The following ZNF787 variants were observed in gnomAD, a reference collection of about 807,000 sequenced individuals.
The protein encoded by ZNF787 is zinc finger protein 787, also known as TTF-I-interacting peptide 20.
A neutral mutation model predicts 16.9 loss-of-function variants in ZNF787; 7 were observed. The observed-to-expected ratio is 0.42, with a 90% confidence interval of 0.24 to 0.78. The LOEUF is 0.78. ZNF787 is among the 30% of genes least tolerant of loss of function. The pLI, the probability that ZNF787 is intolerant of heterozygous loss-of-function variation, is 0.30. For synonymous variants in ZNF787, 345 were observed against 270.9 expected, an observed-to-expected ratio of 1.27 and a Z score of -2.69; for missense variants, 551 against 589.3, an observed-to-expected ratio of 0.94 and a Z score of 0.67.
chr19:56,088,061 C>G lies in ZNF787; in HGVS notation c.1111G>C (p.Gly371Arg). ...EEDDDDEAAG[G>R]RCPECRGGEG... ...CCACCGCGGCACTCGGGGCACCGCC[C>G]GCCCGCGGCCTCGTCGTCGTCGTCC... The change falls in exon 3 of 3, where the codon GGG becomes CGG. Residue 371 changes from glycine (G) to arginine (R), a missense_variant. This residue lies in a region of ZNF787 where 392 missense variants were observed against 312.7 expected (regional missense o/e 1.25). Coordinates refer to ENST00000610935, the MANE Select transcript of ZNF787 (RefSeq NM_001002836.4). The surrounding 1 kb of genome is among the most constrained non-coding windows in gnomAD (Gnocchi z 8.6). 7.0e-7 allele frequency: 1 copy of G among 1,434,934 alleles called. No individual in the cohort carries two copies. Among genetic ancestry groups the G allele is most frequent in the Non-Finnish European group, 9.1e-7 (1 of 1,101,244 alleles). The allele number at this position is 1,434,934 out of a possible 1,614,324, so 88.9% of individuals were successfully genotyped here.
chr19:56,089,966 G>T (rs1414235264), intron 2 of ZNF787, among the ~76,000 whole-genome samples: 1 of 152,150 alleles, frequency 6.6e-6, no homozygotes, highest in African/African-American at 2.4e-5. Flanking sequence ...CTCCCTTGGG[G>T]CCTGGTCCAG....
chr19:56,117,695 C>T (rs539299504), intron 1 of ZNF787, among the ~76,000 whole-genome samples: 4 of 152,212 alleles, frequency 2.6e-5, no homozygotes, highest in African/African-American at 9.6e-5. Flanking sequence ...TGTCTTACTC[C>T]GTGTCTTATT....
chr19:56,110,102 C>G (rs1223862091), intron 1 of ZNF787, among the ~76,000 whole-genome samples: 1 of 152,208 alleles, frequency 6.6e-6, no homozygotes, highest in Non-Finnish European at 1.5e-5. Context: ...TGGCTCACGC[C>G]TGTAATCCCA....
chr19:56,116,766 G>A (rs941274593), intron 1 of ZNF787, among the ~76,000 whole-genome samples: 3 of 151,968 alleles, frequency 2.0e-5, no homozygotes, highest in Admixed American at 2.0e-4. Context: ...CACCTCACCT[G>A]CCCTCTCAGT....
At chr19:56,089,119 TGAGTCAAGA>T (rs1985473710) in intron 2 of ZNF787, 27 bp from the exon 3 acceptor site, 12 of 1,430,346 alleles carry the variant, frequency 8.4e-6, no homozygotes, top group Non-Finnish European at 1.1e-5. Flanking sequence ...TAGGGGGAGG[TGAGTCAAGA>T]GAGGCAAGGG....
At position 56,103,185 on chromosome 19, in the gene ZNF787, C is replaced by T. The variant is rs1986172142; in HGVS notation, c.33G>A (p.Gly11=). 3 of 1,576,488 alleles carry T rather than the reference C, an allele frequency of 1.9e-6. No individual in the cohort carries two copies. The highest frequency in any genetic ancestry group is 2.6e-6 in the Non-Finnish European group (3 of 1,160,662). The change falls in exon 2 of 3, where the codon GGG becomes GGA. Residue 11 remains glycine, a synonymous_variant. Coordinates refer to ENST00000610935, the MANE Select transcript of ZNF787 (RefSeq NM_001002836.4). MELREEAWSP[G]PLDSEDQQMA... ...TCTGCTGGTCCTCAGAATCCAGCGG[C>T]CCCGGAGACCAGGCTTCTTCCCGCA...
chr19:56,110,371 AAAAG>A lies in ZNF787; in HGVS notation c.-10-7148_-10-7145del, dbSNP rs545255086. 3.5e-3 allele frequency among the ~76,000 whole-genome samples: 536 copies of A among 151,544 alleles called. 2 individuals are homozygous for A. The highest frequency in any genetic ancestry group is 0.013 in the Admixed American group (191 of 15,210). Reference sequence around the variant, plus strand: ...AGCGAGACTCCGTCTCAAAAAAAAAAAAAGAAAGAAAAAGAAAAACGAAATGTTG... The same window carrying A: ...AGCGAGACTCCGTCTCAAAAAAAAAAAAAGAAAAAGAAAAACGAAATGTTG... On this transcript the variant is annotated intron_variant, in intron 1 of 2. Coordinates refer to ENST00000610935, the MANE Select transcript of ZNF787 (RefSeq NM_001002836.4).
chr19:56,114,286 C>A (rs930548344), intron 1 of ZNF787, among the ~76,000 whole-genome samples: 2 of 152,146 alleles, frequency 1.3e-5, no homozygotes, highest in African/African-American at 4.8e-5. Context: ...GGACCGGCCC[C>A]ACTCCTCCAC....
intron 1 of ZNF787, among the ~76,000 whole-genome samples, chr19:56,115,864 C>G (rs2030120960): frequency 6.6e-6 from 1 of 152,172 alleles, no homozygotes; most frequent in African/African-American, 2.4e-5. Context: ...ATCTTCAGAT[C>G]CTTATGCGAA....
Position 56,088,244 on chromosome 19 carries a change from C to G in ZNF787, c.928G>C (p.Ala310Pro). The part of the protein sequence containing the change: ...RAQHGDGLGA[A>P]GGEEPAHICV... ...ATGTGGGCCGGCTCCTCGCCCCCCGCCGCCCCGAGCCCGTCCCCGTGCTGG... is the reference window on the plus strand; with the variant it reads ...ATGTGGGCCGGCTCCTCGCCCCCCGGCGCCCCGAGCCCGTCCCCGTGCTGG... The change falls in exon 3 of 3, where the codon GCG (alanine) becomes CCG (proline). Residue 310 changes from alanine to proline, a missense_variant. Around this residue, in one of 4 missense-constraint regions of ZNF787, gnomAD observed 392 missense variants for 312.7 expected, o/e 1.25. Transcript: ENST00000610935. The surrounding 1 kb of genome is among the most constrained non-coding windows in gnomAD (Gnocchi z 8.6). 1 of 1,474,054 alleles carries G rather than the reference C, an allele frequency of 6.8e-7. No homozygotes were observed. Among genetic ancestry groups the G allele is most frequent in the Non-Finnish European group, 9.0e-7 (1 of 1,116,958 alleles). The allele number at this position is 1,474,054 out of a possible 1,614,324, so 91.3% of individuals were successfully genotyped here.
intron 2 of ZNF787, among the ~76,000 whole-genome samples, chr19:56,090,231 G>A (rs770949272): frequency 2.6e-5 from 4 of 152,104 alleles, no homozygotes; most frequent in Non-Finnish European, 5.9e-5. Context: ...GCCCCCCTGC[G>A]CTACACACTT....
intron 1 of ZNF787, among the ~76,000 whole-genome samples, chr19:56,112,305 C>T (rs1457978003): frequency 6.6e-6 from 1 of 152,164 alleles, no homozygotes; most frequent in East Asian, 1.9e-4. Context: ...GCCTCCCTTA[C>T]CAGCCTCCGT....
intron 2 of ZNF787, among the ~76,000 whole-genome samples, chr19:56,098,820 AT>A (rs1985978241): frequency 8.4e-6 from 1 of 119,558 alleles, no homozygotes; most frequent in Non-Finnish European, 1.9e-5. Context: ...TGCCCGGGTG[AT>A]TACGGCCGCA....
intron 2 of ZNF787, among the ~76,000 whole-genome samples, chr19:56,093,896 C>T (rs1985761109): frequency 6.6e-6 from 1 of 152,204 alleles, no homozygotes; most frequent in Non-Finnish European, 1.5e-5. Context: ...AGGGGTGTTC[C>T]TTGAATGAGT....
intron 1 of ZNF787, among the ~76,000 whole-genome samples, chr19:56,118,294 G>A (rs2030194891): frequency 6.6e-6 from 1 of 152,164 alleles, no homozygotes; most frequent in African/African-American, 2.4e-5. Flanking sequence ...CACTATGCTG[G>A]GGTTCCCCTG....
intron 2 of ZNF787, among the ~76,000 whole-genome samples, chr19:56,098,326 G>A (rs1036741087): frequency 6.6e-6 from 1 of 152,216 alleles, no homozygotes; most frequent in East Asian, 1.9e-4. Context: ...GCCCTGGCCA[G>A]TGAGGCCTGC....
chr19:56,107,324 C>A (rs917514151), intron 1 of ZNF787, among the ~76,000 whole-genome samples: 3 of 152,198 alleles, frequency 2.0e-5, no homozygotes, highest in African/African-American at 4.8e-5. Context: ...CCCACCACTA[C>A]GCTCGCCTCA....
rs1168354085 is a variant in ZNF787 at position 56,088,015 on chromosome 19, C to T, written c.*8G>A. On this transcript the variant is annotated 3_prime_UTR_variant, in exon 3 of 3. Coordinates refer to ENST00000610935, the MANE Select transcript of ZNF787 (RefSeq NM_001002836.4). This position sits in a 1 kb window ranked among gnomAD's most constrained non-coding sequence, Gnocchi z 8.6. ...GGCCCTGCCCGCCCCCCCCCCCGGG[C>T]CCCTCCCCTACCGGCCCTCCCCACC... The T allele has an allele frequency of 1.7e-6, 2 of 1,204,320 alleles. No individual in the cohort carries two copies. Among genetic ancestry groups the T allele is most frequent in the Non-Finnish European group, 2.1e-6 (2 of 968,720 alleles). The allele number at this position is 1,204,320 out of a possible 1,614,324, so 74.6% of individuals were successfully genotyped here.
chr19:56,107,887 T>C (rs1222642065), intron 1 of ZNF787, among the ~76,000 whole-genome samples: 1 of 138,878 alleles, frequency 7.2e-6, no homozygotes, highest in Non-Finnish European at 1.6e-5. Flanking sequence ...AGAGAGAGCT[T>C]GAAGGCCGGG....
Sources: gnomAD v4.1 joint callset for allele counts (sites outside exome capture counted in the v4.1 genomes callset) on GRCh38, gnomAD v4.1.1 for gene constraint, gnomAD v4.1.1 regional missense constraint, Gnocchi (gnomAD v3.1) non-coding constraint, MANE v1.5 for transcripts, NCBI Gene and HGNC (gene_info 2026-07-23, HGNC 2026-07-21) for gene names.